Variants in HTR7 observed in about 807,000 individuals in gnomAD.
HTR7 encodes the protein 5-hydroxytryptamine receptor 7.
A neutral mutation model predicts 34.0 loss-of-function variants in HTR7; 16 were observed. That is an observed-to-expected ratio of 0.47 (90% CI 0.32 to 0.71). HTR7 has a LOEUF of 0.71. HTR7 is among the 30% of genes least tolerant of loss of function. HTR7 has a pLI of 0.04. For missense variants in HTR7, 504 were observed against 625.5 expected (o/e 0.81, Z 2.07); for synonymous variants, 265 against 260.2 (o/e 1.02, Z -0.18).
intron 1 of HTR7, among the ~76,000 whole-genome samples, chr10:90,779,523 C>T (rs898731584): frequency 6.6e-6 from 1 of 152,154 alleles, no homozygotes; most frequent in African/African-American, 2.4e-5. Context: ...TCACAAACAA[C>T]TCCAAAATCA....
At chr10:90,758,977 C>G (rs1240764247) in intron 1 of HTR7, among the ~76,000 whole-genome samples, 1 of 151,042 alleles carries the variant, frequency 6.6e-6, no homozygotes, top group Admixed American at 6.6e-5. Flanking sequence ...CACCTGAGGT[C>G]GGGAGTTGGA....
chr10:90,750,482 T>G (rs553645521), intron 1 of HTR7, among the ~76,000 whole-genome samples: 2 of 152,204 alleles, frequency 1.3e-5, no homozygotes, highest in Non-Finnish European at 2.9e-5. Flanking sequence ...TTTCAGCTTT[T>G]CAAACCTGTG....
intron 1 of HTR7, among the ~76,000 whole-genome samples, chr10:90,841,754 A>G (rs1589478291): frequency 6.6e-6 from 1 of 152,102 alleles, no homozygotes; most frequent in African/African-American, 2.4e-5. Context: ...AATCTCAGCA[A>G]TTTGGGAGGC....
intron 1 of HTR7, among the ~76,000 whole-genome samples, chr10:90,756,826 G>C (rs1281704962): frequency 6.6e-6 from 1 of 150,662 alleles, no homozygotes; most frequent in Non-Finnish European, 1.5e-5. Flanking sequence ...ACACCACCAA[G>C]GAAAACCCTG....
chr10:90,856,102 A>T (rs1241581056), intron 1 of HTR7, among the ~76,000 whole-genome samples: 3 of 152,236 alleles, frequency 2.0e-5, no homozygotes, highest in Non-Finnish European at 4.4e-5. Context: ...AGGCTGAAAG[A>T]TCTACACATA....
At chr10:90,801,910 G>A (rs1201511619) in intron 1 of HTR7, among the ~76,000 whole-genome samples, 1 of 152,092 alleles carries the variant, frequency 6.6e-6, no homozygotes, top group African/African-American at 2.4e-5. Context: ...TGTATTTTTG[G>A]TACTTTATGG....
intron 1 of HTR7, among the ~76,000 whole-genome samples, chr10:90,758,851 C>A (rs1167102868): frequency 6.6e-6 from 1 of 152,088 alleles, no homozygotes; most frequent in East Asian, 1.9e-4. Flanking sequence ...GAATTCCATG[C>A]CAAAATATAA....
At chr10:90,761,633 C>CGTGTGTGTGTGT (rs3981197) in intron 1 of HTR7, among the ~76,000 whole-genome samples, 6 of 147,374 alleles carry the variant, frequency 4.1e-5, no homozygotes, top group African/African-American at 1.5e-4. Flanking sequence ...TGTGTGTATG[C>CGTGTGTGTGTGT]GTGTGTGTGT....
rs190642404 is a variant in HTR7 at position 90,750,946 on chromosome 10, C to G, written c.540-1352G>C. Among the ~76,000 whole-genome samples the G allele has an allele frequency of 2.9e-3, 445 of 152,188 alleles. 2 individuals are homozygous for G. Among genetic ancestry groups the G allele is most frequent in the African/African-American group, 0.01 (421 of 41,500 alleles). On this transcript the variant is annotated intron_variant, in intron 1 of 3. Coordinates refer to ENST00000336152, the MANE Select transcript of HTR7 (RefSeq NM_019859.4). Reference sequence around the variant, plus strand: ...TCTGTTCCAGGTGTTGGGGATAGGACAGTGAGTAGAAGAGACGAAAATCCT... The same window carrying G: ...TCTGTTCCAGGTGTTGGGGATAGGAGAGTGAGTAGAAGAGACGAAAATCCT...
At chr10:90,780,598 G>A (rs10159603) in intron 1 of HTR7, among the ~76,000 whole-genome samples, 1,752 of 151,574 alleles carry the variant, frequency 0.012, 34 homozygotes, top group African/African-American at 0.04. Flanking sequence ...AAAGTGATTC[G>A]TAAATAAATG....
chr10:90,794,402 AAGTAT>A (rs1320645220), intron 1 of HTR7, among the ~76,000 whole-genome samples: 2 of 152,254 alleles, frequency 1.3e-5, no homozygotes, highest in East Asian at 1.9e-4. Context: ...TAACAATTAG[AAGTAT>A]AGTATAGTAA....
chr10:90,775,833 T>C (rs1845198121), intron 1 of HTR7, among the ~76,000 whole-genome samples: 1 of 152,198 alleles, frequency 6.6e-6, no homozygotes, highest in Non-Finnish European at 1.5e-5. Flanking sequence ...AATGTTTCAA[T>C]TACTTGGTTG....
At chr10:90,835,747 G>C (rs552389291) in intron 1 of HTR7, among the ~76,000 whole-genome samples, 3 of 152,322 alleles carry the variant, frequency 2.0e-5, no homozygotes, top group Admixed American at 1.3e-4. Flanking sequence ...CATGATGAGA[G>C]TAGAGAAGGA....
At chr10:90,761,776 C>T (rs1433498894) in intron 1 of HTR7, among the ~76,000 whole-genome samples, 8 of 152,058 alleles carry the variant, frequency 5.3e-5, no homozygotes, top group Admixed American at 2.0e-4. Flanking sequence ...AAAGTTTGGA[C>T]CAACATATCC....
At chr10:90,787,872 A>C (rs985038096) in intron 1 of HTR7, among the ~76,000 whole-genome samples, 7 of 151,898 alleles carry the variant, frequency 4.6e-5, no homozygotes, top group African/African-American at 7.3e-5. Flanking sequence ...TGCCTCTCTT[A>C]TGACCTCTTC....
chr10:90,759,109 C>A (rs1844888223), intron 1 of HTR7, among the ~76,000 whole-genome samples: 1 of 151,148 alleles, frequency 6.6e-6, no homozygotes, highest in African/African-American at 2.4e-5. Flanking sequence ...ATTGCTTGAA[C>A]CCGGGAGGTG....
chr10:90,751,414 C>A (rs1288217784), intron 1 of HTR7, among the ~76,000 whole-genome samples: 1 of 152,134 alleles, frequency 6.6e-6, no homozygotes, highest in Non-Finnish European at 1.5e-5. Flanking sequence ...TCCCCAGCAG[C>A]CTTTCCCAGA....
At chr10:90,816,211 G>A (rs1447067413) in intron 1 of HTR7, among the ~76,000 whole-genome samples, 2 of 152,176 alleles carry the variant, frequency 1.3e-5, no homozygotes, top group Non-Finnish European at 2.9e-5. Context: ...GTTTGTGGAT[G>A]GTAGCTCCAA....
At chr10:90,797,727 C>G (rs559121229) in intron 1 of HTR7, among the ~76,000 whole-genome samples, 2 of 152,200 alleles carry the variant, frequency 1.3e-5, no homozygotes, top group Non-Finnish European at 2.9e-5. Context: ...AATGAATTAT[C>G]AGGGTAGATA....
Sources: allele counts gnomAD v4.1 joint callset (sites outside exome capture counted in the v4.1 genomes callset), GRCh38; gene constraint gnomAD v4.1.1; transcripts MANE v1.5; gene names NCBI Gene and HGNC (gene_info 2026-07-23, HGNC 2026-07-21).